The following NCEH1 variants were observed in gnomAD, a reference collection of about 807,000 sequenced individuals.
NCEH1 encodes the protein 2-acetyl MAGE hydrolase.
NCEH1 carries 9 observed loss-of-function variants against 25.4 expected under a neutral mutation model. That is an observed-to-expected ratio of 0.35 (90% CI 0.21 to 0.62). NCEH1 has a LOEUF of 0.62. Ranked by LOEUF, NCEH1 falls within the 20% of genes least tolerant of loss-of-function variation. The pLI, the probability that NCEH1 is intolerant of heterozygous loss-of-function variation, is 0.72. For synonymous variants in NCEH1, 200 were observed against 199.8 expected (o/e 1.00, Z -0.01); for missense variants, 412 against 501.1 (o/e 0.82, Z 1.70).
At chr3:172,658,867 T>A (rs1272699000) in intron 1 of NCEH1, among the ~76,000 whole-genome samples, 21 of 119,252 alleles carry the variant, frequency 1.8e-4, no homozygotes, top group Admixed American at 1.5e-3. Context: ...TTTTTTTTTT[T>A]TTACTATCAA....
chr3:172,689,771 TA>T (rs995956539), intron 1 of NCEH1, among the ~76,000 whole-genome samples: 1 of 151,622 alleles, frequency 6.6e-6, no homozygotes, highest in Admixed American at 6.6e-5. Context: ...GGTAGTATAG[TA>T]AAATTGGAAA....
chr3:172,638,670 C>T (rs922963633), intron 3 of NCEH1, among the ~76,000 whole-genome samples: 1 of 152,156 alleles, frequency 6.6e-6, no homozygotes, highest in Non-Finnish European at 1.5e-5. Flanking sequence ...AGCAATATCC[C>T]ACATATCACA....
At chr3:172,655,273 A>C (rs967491572) in intron 1 of NCEH1, among the ~76,000 whole-genome samples, 5 of 152,318 alleles carry the variant, frequency 3.3e-5, no homozygotes, top group African/African-American at 1.2e-4. Flanking sequence ...CTCCATAACC[A>C]TTCCAGGATC....
intron 1 of NCEH1, chr3:172,680,676 C>G (rs1010508483): frequency 1.5e-5 from 2 of 132,854 alleles, no homozygotes; most frequent in Non-Finnish European, 3.0e-5. Context: ...GGCCCCCCCC[C>G]CTCCATCAGC....
At chr3:172,707,574 G>A (rs530863815) in intron 1 of NCEH1, among the ~76,000 whole-genome samples, 4 of 152,126 alleles carry the variant, frequency 2.6e-5, no homozygotes, top group East Asian at 1.9e-4. Flanking sequence ...GGAACTTTTC[G>A]TTTTTTATTT....
intron 3 of NCEH1, among the ~76,000 whole-genome samples, chr3:172,642,914 A>T (rs147115710): frequency 1.3e-5 from 2 of 151,662 alleles, no homozygotes; most frequent in African/African-American, 4.8e-5. Context: ...AGGAGTTCAC[A>T]TTCTTTTGTT....
intron 4 of NCEH1, among the ~76,000 whole-genome samples, chr3:172,634,649 CAG>C (rs376862766): frequency 6.6e-6 from 1 of 152,226 alleles, no homozygotes; most frequent in East Asian, 1.9e-4. Context: ...GAGCATATGC[CAG>C]AGTGAAGTTG....
At chr3:172,710,775 G>T in intron 1 of NCEH1, 72 bp downstream of exon 1, 1 of 1,551,338 alleles carries the variant, frequency 6.4e-7, no homozygotes, top group East Asian at 2.3e-5. Context: ...GAACCCGGCG[G>T]AGGAATTTTG....
intron 1 of NCEH1, among the ~76,000 whole-genome samples, chr3:172,648,930 G>A (rs936033951): frequency 6.6e-6 from 1 of 152,104 alleles, no homozygotes; most frequent in Non-Finnish European, 1.5e-5. Context: ...CTCCACTTTC[G>A]CAAGTTCATC....
chr3:172,637,223 T>C (rs1344473817), intron 3 of NCEH1, among the ~76,000 whole-genome samples: 1 of 152,184 alleles, frequency 6.6e-6, no homozygotes, highest in East Asian at 1.9e-4. Flanking sequence ...AGTATTAACA[T>C]ACCTTCATTT....
At chr3:172,640,611 C>T (rs930348884) in intron 3 of NCEH1, among the ~76,000 whole-genome samples, 2 of 151,798 alleles carry the variant, frequency 1.3e-5, no homozygotes, top group African/African-American at 4.8e-5. Context: ...AGGTTCACGC[C>T]ATTCTCCTGC....
chr3:172,672,097 T>A (rs1322214718), intron 1 of NCEH1, among the ~76,000 whole-genome samples: 1 of 152,266 alleles, frequency 6.6e-6, no homozygotes. Flanking sequence ...TAGCATTTTT[T>A]AATCTTTTGT....
At chr3:172,681,288 A>T (rs1712361324) in intron 1 of NCEH1, 1 of 152,302 alleles carries the variant, frequency 6.6e-6, no homozygotes, top group South Asian at 2.1e-4. Flanking sequence ...TTTAAAAAAA[A>T]TACTGGCAAG....
In NCEH1 at chr3:172,635,932, G is replaced by A; in HGVS notation, c.593C>T (p.Ala198Val). 1 of 1,614,130 alleles carries A rather than the reference G, an allele frequency of 6.2e-7. No homozygotes were observed. The highest frequency in any genetic ancestry group is 1.3e-5 in the African/African-American group (1 of 75,040). Residue 198 changes from alanine (A) to valine (V), a missense_variant, in exon 4 of 5, where the codon GCT becomes GTT. Physicochemically the swap from Ala to Val is moderately conservative, Grantham distance 64 (BLOSUM62 0). Coordinates refer to ENST00000475381, the MANE Select transcript of NCEH1 (RefSeq NM_020792.6). ...TGGTGTTACCTGTTGTCCAAGGGCA[G>A]CAGCCAGATTTCCACCAGCACTGTC... Reference protein sequence around the residue: ...SGDSAGGNLAAALGQQFTQDA... With the variant: ...SGDSAGGNLAVALGQQFTQDA...
chr3:172,645,893 T>C (rs1717097621), intron 2 of NCEH1, among the ~76,000 whole-genome samples: 1 of 152,254 alleles, frequency 6.6e-6, no homozygotes, highest in Admixed American at 6.5e-5. Context: ...AACTACTATA[T>C]AACAGGAAAT....
intron 1 of NCEH1, among the ~76,000 whole-genome samples, chr3:172,663,312 T>C (rs527517960): frequency 6.6e-6 from 1 of 152,358 alleles, no homozygotes; most frequent in African/African-American, 2.4e-5. Context: ...TTGATTGCAC[T>C]GTGGTCTGAG....
chr3:172,642,763 T>A (rs1164915419), intron 3 of NCEH1, among the ~76,000 whole-genome samples: 1 of 152,194 alleles, frequency 6.6e-6, no homozygotes, highest in East Asian at 1.9e-4. Flanking sequence ...ACTCCTCTTA[T>A]ATCAATTGTC....
intron 1 of NCEH1, among the ~76,000 whole-genome samples, chr3:172,653,760 G>T (rs9822558): frequency 0.062 from 3,227 of 52,308 alleles, 139 homozygotes; most frequent in African/African-American, 0.15. Flanking sequence ...TTGTTTTTTT[G>T]TTTTTTTTTT....
chr3:172,674,251 C>A (rs1273735891), intron 1 of NCEH1, among the ~76,000 whole-genome samples: 2 of 152,054 alleles, frequency 1.3e-5, no homozygotes, highest in East Asian at 3.9e-4. Flanking sequence ...ACCAGCCTGG[C>A]CAACATGGTG....
Sources: gnomAD v4.1 joint callset for allele counts (sites outside exome capture counted in the v4.1 genomes callset) on GRCh38, gnomAD v4.1.1 for gene constraint, MANE v1.5 for transcripts, NCBI Gene and HGNC (gene_info 2026-07-23, HGNC 2026-07-21) for gene names.